AFAP1: variants seen among roughly 807,000 people sequenced by gnomAD.
AFAP1 encodes the protein actin filament-associated protein 1.
Under a neutral mutation model 93.9 loss-of-function variants are expected in AFAP1, and 75 were observed. The observed-to-expected ratio is 0.80, with a 90% confidence interval of 0.66 to 0.97. The LOEUF (loss-of-function observed/expected upper bound fraction) is 0.97, where lower values mean the gene tolerates loss of function less well. Among genes scored for constraint, AFAP1 ranks in the 50% least tolerant of loss-of-function variants. AFAP1 has a pLI of 0.00. For synonymous variants in AFAP1, 517 were observed against 430.7 expected (o/e 1.20, Z -2.48); for missense variants, 1,201 against 1,050.8 (o/e 1.14, Z -1.98).
chr4:7,936,827 T>G (rs968880418), intron 1 of AFAP1, among the ~76,000 whole-genome samples: 2 of 152,152 alleles, frequency 1.3e-5, no homozygotes, highest in Non-Finnish European at 2.9e-5. Context: ...GTGATCTGCC[T>G]GCCTCGGCCT....
At chr4:7,840,258 TGG>T (rs1247487432) in intron 5 of AFAP1, among the ~76,000 whole-genome samples, 1 of 65,100 alleles carries the variant, frequency 1.5e-5, no homozygotes, top group Non-Finnish European at 3.1e-5. Context: ...GGTTTGTTTT[TGG>T]GATGTGTGTG....
intron 1 of AFAP1, among the ~76,000 whole-genome samples, chr4:7,907,123 G>A (rs953638770): frequency 6.6e-6 from 1 of 151,994 alleles, no homozygotes; most frequent in Non-Finnish European, 1.5e-5. Flanking sequence ...AGCATTTAGC[G>A]ACTTAAAAGA....
intron 1 of AFAP1, among the ~76,000 whole-genome samples, chr4:7,922,066 T>C (rs1435775574): frequency 3.3e-5 from 5 of 152,036 alleles, no homozygotes; most frequent in African/African-American, 9.7e-5. Context: ...GAGGTTGCAG[T>C]GAGCCAAGAT....
intron 6 of AFAP1, among the ~76,000 whole-genome samples, chr4:7,828,963 G>C (rs978045404): frequency 6.6e-6 from 1 of 152,200 alleles, no homozygotes; most frequent in South Asian, 2.1e-4. Flanking sequence ...GGAGGTAATT[G>C]AATCATGGGG....
intron 6 of AFAP1, among the ~76,000 whole-genome samples, chr4:7,833,495 A>G (rs1386912253): frequency 1.3e-5 from 2 of 151,908 alleles, no homozygotes; most frequent in Non-Finnish European, 2.9e-5. Flanking sequence ...AAAATAGTAG[A>G]TGTTGGTGTG....
At chr4:7,773,106 C>G in intron 15 of AFAP1, 96 bp from the exon 16 acceptor site, 2 of 1,473,648 alleles carry the variant, frequency 1.4e-6, no homozygotes, top group East Asian at 2.5e-5. Context: ...TTCCACAAAA[C>G]GTCTGAGGTC....
intron 6 of AFAP1, among the ~76,000 whole-genome samples, chr4:7,821,336 T>TA (rs1440232970): frequency 6.6e-6 from 1 of 152,160 alleles, no homozygotes; most frequent in Non-Finnish European, 1.5e-5. Flanking sequence ...AGCAACACCG[T>TA]CATTACTGTC....
intron 11 of AFAP1, among the ~76,000 whole-genome samples, chr4:7,793,292 G>C (rs1420626923): frequency 2.0e-5 from 3 of 152,182 alleles, no homozygotes; most frequent in Non-Finnish European, 4.4e-5. Context: ...TAATACAGGG[G>C]TCAGCAAACT....
chr4:7,873,387 C>T lies in AFAP1; in HGVS notation c.-2-1307G>A, dbSNP rs1463688505. ...TTTTTTTGAGACGGAGTCTCACTGT[C>T]GCCCAGGCTGGAGTGCAGTGGCACG... On this transcript the variant is annotated intron_variant, in intron 1 of 17. Coordinates refer to ENST00000420658, the MANE Select transcript of AFAP1 (RefSeq NM_001134647.2). Among the ~76,000 whole-genome samples the T allele has an allele frequency of 7.8e-4, 74 of 94,790 alleles. 1 individual carries two copies. Among genetic ancestry groups the T allele is most frequent in the Non-Finnish European group, 1.2e-3 (64 of 53,906 alleles). 62.2% of individuals were successfully genotyped at this position (94,790 alleles called of 152,430 possible). A position where few individuals can be genotyped will look rare whatever the true frequency, so the allele number is the denominator to read the frequency against.
intron 12 of AFAP1, among the ~76,000 whole-genome samples, chr4:7,785,202 C>T (rs1717147917): frequency 6.6e-6 from 1 of 152,152 alleles, no homozygotes; most frequent in African/African-American, 2.4e-5. Context: ...AGATGAGTAA[C>T]AGGCAGACAC....
chr4:7,886,737 A>G (rs1307211832), intron 1 of AFAP1, among the ~76,000 whole-genome samples: 1 of 152,208 alleles, frequency 6.6e-6, no homozygotes, highest in Non-Finnish European at 1.5e-5. Flanking sequence ...GCTTATCATA[A>G]TAATATACAG....
intron 8 of AFAP1, among the ~76,000 whole-genome samples, chr4:7,811,594 C>A (rs1720047166): frequency 6.6e-6 from 1 of 152,110 alleles, no homozygotes. Context: ...CGGGCCTTGC[C>A]CTCCCACACT....
chr4:7,842,847 T>G, intron 5 of AFAP1: 1 of 354,354 alleles, frequency 2.8e-6, no homozygotes, highest in Non-Finnish European at 5.2e-6. Context: ...TAAAATCTTG[T>G]GCATTTCCAC....
chr4:7,838,397 A>C (rs1455059791), intron 6 of AFAP1, 127 bp downstream of exon 6: 36 of 1,133,834 alleles, frequency 3.2e-5, no homozygotes, highest in Non-Finnish European at 4.3e-5. Context: ...GCTATTAAAG[A>C]CAAAACTCTT....
chr4:7,764,875 G>A (rs1714334255), intron 17 of AFAP1, among the ~76,000 whole-genome samples: 2 of 152,244 alleles, frequency 1.3e-5, no homozygotes, highest in South Asian at 4.1e-4. Context: ...GCTGAGTGAG[G>A]TGGGAGGATT....
At chr4:7,895,833 A>C (rs1718728740) in intron 1 of AFAP1, among the ~76,000 whole-genome samples, 1 of 149,394 alleles carries the variant, frequency 6.7e-6, no homozygotes, top group Non-Finnish European at 1.5e-5. Context: ...TCTACATGGA[A>C]GTGTGTGTTC....
intron 6 of AFAP1, among the ~76,000 whole-genome samples, chr4:7,831,353 C>T (rs867293663): frequency 1.3e-5 from 2 of 150,752 alleles, no homozygotes; most frequent in Non-Finnish European, 2.9e-5. Context: ...TACTTTACCC[C>T]GTATTATTTA....
At chr4:7,862,035 A>C (rs1169114446) in intron 3 of AFAP1, 2 of 152,234 alleles carry the variant, frequency 1.3e-5, no homozygotes, top group Non-Finnish European at 2.9e-5. Context: ...CCTGGTATCA[A>C]AACTTCACTG....
At chr4:7,906,814 A>G (rs1282055424) in intron 1 of AFAP1, among the ~76,000 whole-genome samples, 1 of 152,228 alleles carries the variant, frequency 6.6e-6, no homozygotes, top group Admixed American at 6.5e-5. Flanking sequence ...TGAGGTCGGA[A>G]GTTCAAGAAC....
Sources: gnomAD v4.1 joint callset for allele counts (sites outside exome capture counted in the v4.1 genomes callset) on GRCh38, gnomAD v4.1.1 for gene constraint, MANE v1.5 for transcripts, NCBI Gene and HGNC (gene_info 2026-07-23, HGNC 2026-07-21) for gene names.